MOV10L1: variants seen among roughly 807,000 people sequenced by gnomAD.
The protein encoded by MOV10L1 is Mov10 like RNA helicase 1.
Under a neutral mutation model 143.8 loss-of-function variants are expected in MOV10L1, and 110 were observed. That is an observed-to-expected ratio of 0.76 (90% CI 0.66 to 0.90). The LOEUF is 0.90. Among genes scored for constraint, MOV10L1 ranks in the 40% least tolerant of loss-of-function variants. The pLI, the probability that MOV10L1 is intolerant of heterozygous loss-of-function variation, is 0.00. For synonymous variants in MOV10L1, 593 were observed against 581.1 expected, an observed-to-expected ratio of 1.02 and a Z score of -0.29; for missense variants, 1,406 against 1,526.8, an observed-to-expected ratio of 0.92 and a Z score of 1.32.
Position 50,120,494 on chromosome 22 carries a change from T to G in MOV10L1, c.1455-8T>G. 6.4e-7 allele frequency: 1 copy of G among 1,568,310 alleles called. No homozygotes were observed. Among genetic ancestry groups the G allele is most frequent in the Non-Finnish European group, 8.8e-7 (1 of 1,141,202 alleles). On this transcript the variant is annotated splice_region_variant and splice_polypyrimidine_tract_variant and intron_variant, in intron 9 of 26. Coordinates refer to ENST00000262794, the MANE Select transcript of MOV10L1 (RefSeq NM_018995.3). The stretch of plus-strand genomic sequence containing the variant: ...CTTATTTTTAACTTGTGAACTTAAT[T>G]TTTTAAGGAACTCAAGACGACAACT...
chr22:50,099,670 A>T, intron 3 of MOV10L1, 68 bp downstream of exon 3: 1 of 1,529,754 alleles, frequency 6.5e-7, no homozygotes, highest in East Asian at 2.3e-5. Flanking sequence ...GTTATGGACC[A>T]GGCACGGTGG....
At chr22:50,099,207 G>T (rs2062673514) in intron 2 of MOV10L1, among the ~76,000 whole-genome samples, 1 of 152,218 alleles carries the variant, frequency 6.6e-6, no homozygotes. Context: ...GGTCACAAGG[G>T]CAGAGCCCTT....
chr22:50,127,999 G>C (rs1453554521), intron 12 of MOV10L1, among the ~76,000 whole-genome samples: 2 of 152,088 alleles, frequency 1.3e-5, no homozygotes, highest in African/African-American at 4.8e-5. Flanking sequence ...TCAAACTCCT[G>C]ACCTCAAGGT....
At position 50,144,587 on chromosome 22, in the gene MOV10L1, GTTTTTTT is replaced by G. The variant is rs71198224; in HGVS notation, c.2505+350_2505+356del. ...GGTTTGGTGTTTTTTGTTTTGTTTT[GTTTTTTT>G]TTTTTGAGACGGAGTCTCGCTGTGT... On this transcript the variant is annotated intron_variant, in intron 18 of 26. Coordinates refer to ENST00000262794, the MANE Select transcript of MOV10L1 (RefSeq NM_018995.3). 2.7e-5 allele frequency among the ~76,000 whole-genome samples: 4 copies of G among 148,124 alleles called. No homozygotes were observed. In the South Asian group the frequency reaches 6.3e-4, roughly 23 times the overall value.
chr22:50,142,914 C>A, intron 16 of MOV10L1, 129 bp from the exon 17 acceptor site: 2 of 754,040 alleles, frequency 2.7e-6, no homozygotes, highest in Non-Finnish European at 4.4e-6. Context: ...CACTGAAGAG[C>A]TACTCCCTGT....
At chr22:50,094,973 C>T (rs1462288800) in intron 2 of MOV10L1, 1 of 152,124 alleles carries the variant, frequency 6.6e-6, no homozygotes, top group African/African-American at 2.4e-5. Context: ...CCTGGAGTCC[C>T]AGCACTCGGG....
At chr22:50,134,674 A>G (rs1285710171) in intron 15 of MOV10L1, 44 bp downstream of exon 15, 1 of 1,560,196 alleles carries the variant, frequency 6.4e-7, no homozygotes. Flanking sequence ...GGGATGGCTC[A>G]GCGACGTGGC....
At chr22:50,142,317 C>A in intron 16 of MOV10L1, 128 bp downstream of exon 16, 1 of 606,332 alleles carries the variant, frequency 1.6e-6, no homozygotes, top group Non-Finnish European at 2.7e-6. Context: ...TGACAGGCGG[C>A]TGCCGTCTCC....
intron 15 of MOV10L1, among the ~76,000 whole-genome samples, chr22:50,139,748 A>G (rs750295787): frequency 2.8e-4 from 43 of 152,350 alleles, no homozygotes; most frequent in Admixed American, 7.8e-4. Flanking sequence ...AGATGGTAAT[A>G]AACACATGAA....
chr22:50,109,344 G>T (rs1348150209), intron 5 of MOV10L1, among the ~76,000 whole-genome samples: 1 of 151,766 alleles, frequency 6.6e-6, no homozygotes, highest in Non-Finnish European at 1.5e-5. Context: ...GGGCAACATA[G>T]TGAGACCCCA....
At position 50,121,899 on chromosome 22, in the gene MOV10L1, C is replaced by T. The variant is rs151012576; in HGVS notation, c.1569+1283C>T. On this transcript the variant is annotated intron_variant, in intron 10 of 26. Transcript: ENST00000262794. Reference sequence around the variant, plus strand: ...CTTTGGCAGAATTTATTTTGCTTTTCAAGATCTTTTATACGAATTTTAAGA... The same window carrying T: ...CTTTGGCAGAATTTATTTTGCTTTTTAAGATCTTTTATACGAATTTTAAGA... 3.3e-5 allele frequency among the ~76,000 whole-genome samples: 5 copies of T among 152,336 alleles called. No individual in the cohort carries two copies. The East Asian group carries it at 9.6e-4, about 29-fold the overall frequency.
intron 10 of MOV10L1, 63 bp downstream of exon 10, chr22:50,120,679 A>C: frequency 8.3e-7 from 1 of 1,206,864 alleles, no homozygotes; most frequent in Admixed American, 2.0e-5. Flanking sequence ...TTTCTGACAA[A>C]GCCAGGAGGT....
intron 19 of MOV10L1, among the ~76,000 whole-genome samples, chr22:50,148,692 C>A (rs2063217794): frequency 6.9e-6 from 1 of 145,908 alleles, no homozygotes; most frequent in African/African-American, 2.5e-5. Flanking sequence ...GAGATGGAGT[C>A]TTGCTCTGTC....
At chr22:50,104,063 C>T (rs1389878336) in intron 3 of MOV10L1, among the ~76,000 whole-genome samples, 3 of 152,062 alleles carry the variant, frequency 2.0e-5, no homozygotes, top group Non-Finnish European at 4.4e-5. Context: ...AGTGACAGAT[C>T]GTCAGGCATT....
intron 2 of MOV10L1, among the ~76,000 whole-genome samples, chr22:50,099,217 T>A (rs1192170156): frequency 6.6e-6 from 1 of 152,196 alleles, no homozygotes; most frequent in Non-Finnish European, 1.5e-5. Context: ...GCAGAGCCCT[T>A]ATGAAACATA....
rs1295944674 is a variant in MOV10L1 at position 50,090,074 on chromosome 22, G to A, written c.-15G>A. ...CGGCAGCGGCGGTGACGGCAGCCTAGGCCGGGCGAGGGCCATGCTGAGCCT... is the reference window on the plus strand; with the variant it reads ...CGGCAGCGGCGGTGACGGCAGCCTAAGCCGGGCGAGGGCCATGCTGAGCCT... On this transcript the variant is annotated 5_prime_UTR_variant, in exon 1 of 27. Transcript: ENST00000262794. 5.5e-6 allele frequency: 7 copies of A among 1,269,034 alleles called. No homozygotes were observed. In the South Asian group the frequency reaches 1.8e-4, roughly 33 times the overall value. 78.6% of individuals were successfully genotyped at this position (1,269,034 alleles called of 1,614,324 possible). A position where few individuals can be genotyped will look rare whatever the true frequency, so the allele number is the denominator to read the frequency against.
rs768103607 is a variant in MOV10L1, at chr22:50,149,732, T to C, written c.2727+18T>C. The C allele has an allele frequency of 1.5e-5, 24 of 1,602,724 alleles. No individual in the cohort carries two copies. Among genetic ancestry groups the C allele is most frequent in the Non-Finnish European group, 2.0e-5 (24 of 1,171,716 alleles). On this transcript the variant is annotated intron_variant, in intron 20 of 26. Coordinates refer to ENST00000262794, the MANE Select transcript of MOV10L1 (RefSeq NM_018995.3). ...GTGGCCAGGTAAGTCCCGACTACTG[T>C]GTGTGCTGCTTCCTCCTCACCCCGT...
rs12628964 is a variant in MOV10L1 at position 50,090,140 on chromosome 22, A to T, written c.52A>T (p.Thr18Ser). 0.23 allele frequency: 318,775 copies of T among 1,373,368 alleles called. 37,961 individuals are homozygous for T. Among genetic ancestry groups the T allele is most frequent in the Admixed American group, 0.36 (9,768 of 27,094 alleles). The allele number at this position is 1,373,368 out of a possible 1,614,324, so 85.1% of individuals were successfully genotyped here. A position where few individuals can be genotyped will look rare whatever the true frequency, so the allele number is the denominator to read the frequency against. ...LVAFFWRTAD[T>S]PREEAGQLEP... ...GGCCTTCTTCTGGAGGACGGCGGACACCCCTAGGGAGGAAGCCGGGCAGCT... is the reference window on the plus strand; with the variant it reads ...GGCCTTCTTCTGGAGGACGGCGGACTCCCCTAGGGAGGAAGCCGGGCAGCT... Residue 18 changes from threonine (T) to serine (S), a missense_variant, in exon 1 of 27, where the codon ACC becomes TCC. By Grantham distance (58) the Thr-to-Ser change is moderately conservative. Transcript: ENST00000262794.
intron 24 of MOV10L1, 70 bp from the exon 25 acceptor site, chr22:50,160,618 A>T (rs1429742810): frequency 5.8e-5 from 89 of 1,527,078 alleles, no homozygotes; most frequent in Non-Finnish European, 7.7e-5. Context: ...GTTTTTATAT[A>T]TCAAGAGTTT....
Sources: gnomAD v4.1 joint callset for allele counts (sites outside exome capture counted in the v4.1 genomes callset) on GRCh38, gnomAD v4.1.1 for gene constraint, MANE v1.5 for transcripts, NCBI Gene and HGNC (gene_info 2026-07-23, HGNC 2026-07-21) for gene names.